The following CCDC7 variants were observed in gnomAD, a reference collection of about 807,000 sequenced individuals.
CCDC7 encodes the protein coiled-coil domain containing 7.
Under a neutral mutation model 196.9 loss-of-function variants are expected in CCDC7, and 183 were observed. The observed-to-expected ratio is 0.93, with a 90% CI of 0.82 to 1.05. The LOEUF is 1.05. Ranked by LOEUF, CCDC7 falls within the 50% of genes least tolerant of loss-of-function variation. The pLI, the probability that CCDC7 is intolerant of heterozygous loss-of-function variation, is 0.00. For synonymous variants in CCDC7, 525 were observed against 484.6 expected (o/e 1.08, Z -1.10); for missense variants, 1,540 against 1,482.2 (o/e 1.04, Z -0.64).
Position 32,797,573 on chromosome 10 carries a change from T to A in CCDC7, c.3014-7442T>A, listed in dbSNP as rs564597554. Among the ~76,000 whole-genome samples, 11 of 146,390 alleles carry A rather than the reference T, an allele frequency of 7.5e-5. 1 individual carries two copies. The highest frequency in any genetic ancestry group is 2.7e-4 in the Admixed American group (4 of 14,570). ...ACAAATTGGGTGCAGTGTATACTGC[T>A]CGTCTGATGGGCGCACCAAAATCTC... On this transcript the variant is annotated intron_variant, in intron 29 of 41. Coordinates refer to ENST00000639629, the Ensembl canonical transcript of CCDC7.
intron 18 of CCDC7, among the ~76,000 whole-genome samples, chr10:32,594,105 A>G (rs1300211363): frequency 6.6e-6 from 1 of 152,118 alleles, no homozygotes; most frequent in East Asian, 1.9e-4. Context: ...GGTAGCTTGA[A>G]GGGGATGGCA....
At chr10:32,674,851 C>G (rs2074656042) in intron 21 of CCDC7, among the ~76,000 whole-genome samples, 1 of 151,392 alleles carries the variant, frequency 6.6e-6, no homozygotes, top group South Asian at 2.1e-4. Context: ...GTGTGGTGAC[C>G]TTTTTTTTGT....
chr10:32,834,064 C>T (rs899913848), intron 32 of CCDC7, among the ~76,000 whole-genome samples: 5 of 151,980 alleles, frequency 3.3e-5, no homozygotes, highest in Non-Finnish European at 5.9e-5. Context: ...GCAGTTGTTT[C>T]AAAAGCAAGC....
intron 11 of CCDC7, among the ~76,000 whole-genome samples, chr10:32,522,034 G>A (rs1387533068): frequency 6.6e-6 from 1 of 151,902 alleles, no homozygotes; most frequent in Non-Finnish European, 1.5e-5. Flanking sequence ...ATCCCACTTG[G>A]TCATGATGAA....
At chr10:32,622,807 C>G (rs1023692414) in intron 18 of CCDC7, among the ~76,000 whole-genome samples, 1 of 150,750 alleles carries the variant, frequency 6.6e-6, no homozygotes, top group African/African-American at 2.4e-5. Context: ...ATGGCATATG[C>G]TTTGTATTGC....
At chr10:32,807,874 G>C (rs1016433) in intron 30 of CCDC7, among the ~76,000 whole-genome samples, 3 of 151,820 alleles carry the variant, frequency 2.0e-5, no homozygotes, top group Non-Finnish European at 4.4e-5. Flanking sequence ...GGGACTACAG[G>C]CATGCACCAC....
chr10:32,849,394 T>C (rs1191097598), intron 39 of CCDC7, among the ~76,000 whole-genome samples: 1 of 151,642 alleles, frequency 6.6e-6, no homozygotes, highest in African/African-American at 2.4e-5. Flanking sequence ...AATAGAAACT[T>C]TACTGGTTGT....
chr10:32,871,619 T>C (rs1333351198), intron 41 of CCDC7, among the ~76,000 whole-genome samples: 1 of 152,084 alleles, frequency 6.6e-6, no homozygotes, highest in African/African-American at 2.4e-5. Flanking sequence ...GCTCTGATCT[T>C]AGTTGTTTCT....
intron 28 of CCDC7, among the ~76,000 whole-genome samples, chr10:32,777,751 C>A (rs1033461022): frequency 1.3e-5 from 2 of 152,102 alleles, no homozygotes; most frequent in African/African-American, 4.8e-5. Flanking sequence ...GTAATCCCAG[C>A]TACTCTGGAG....
At chr10:32,775,424 C>T (rs534136129) in intron 28 of CCDC7, among the ~76,000 whole-genome samples, 1 of 152,190 alleles carries the variant, frequency 6.6e-6, no homozygotes, top group East Asian at 1.9e-4. Flanking sequence ...TGCAAGATTA[C>T]TGTATGACTT....
chr10:32,611,583 G>GATTAATTTTTGTATA (rs2062140555), intron 18 of CCDC7, among the ~76,000 whole-genome samples: 1 of 152,238 alleles, frequency 6.6e-6, no homozygotes, highest in South Asian at 2.1e-4. Context: ...AATCCATCTT[G>GATTAATTTTTGTATA]AGTTAATTTT....
In CCDC7 at chr10:32,493,022, A is replaced by G. The variant is rs558778228; in HGVS notation, c.872+1025A>G. Among the ~76,000 whole-genome samples the G allele has an allele frequency of 2.6e-5, 4 of 152,170 alleles. No individual in the cohort carries two copies. The East Asian group carries it at 7.7e-4, about 29-fold the overall frequency. On this transcript the variant is annotated intron_variant, in intron 9 of 41. Coordinates refer to ENST00000639629, the Ensembl canonical transcript of CCDC7. Reference sequence around the variant, plus strand: ...TTTTTATATGTACATACCTTGTGGAATCGCTAAATCAAGCTATGTAACAGA... The same window carrying G: ...TTTTTATATGTACATACCTTGTGGAGTCGCTAAATCAAGCTATGTAACAGA...
chr10:32,831,300 T>C (rs1484215455), intron 32 of CCDC7, among the ~76,000 whole-genome samples: 2 of 152,158 alleles, frequency 1.3e-5, no homozygotes, highest in Non-Finnish European at 2.9e-5. Context: ...TGAATGTTGC[T>C]CTGGGTGCAT....
At chr10:32,622,710 G>A (rs1177197343) in intron 18 of CCDC7, among the ~76,000 whole-genome samples, 1 of 151,938 alleles carries the variant, frequency 6.6e-6, no homozygotes, top group Non-Finnish European at 1.5e-5. Context: ...GCGACCCTCA[G>A]TTGTAAGAAA....
intron 18 of CCDC7, among the ~76,000 whole-genome samples, chr10:32,586,323 C>G (rs3006737): frequency 6.6e-6 from 1 of 152,274 alleles, no homozygotes; most frequent in Admixed American, 6.5e-5. Flanking sequence ...ATTCTGTAGG[C>G]TGCTTGTTCA....
intron 29 of CCDC7, among the ~76,000 whole-genome samples, chr10:32,790,657 C>T (rs141137128): frequency 6.6e-6 from 1 of 152,280 alleles, no homozygotes; most frequent in African/African-American, 2.4e-5. Context: ...TCCCTAGGGC[C>T]TGAGCCTTTG....
intron 31 of CCDC7, among the ~76,000 whole-genome samples, chr10:32,815,434 T>A (rs2135432033): frequency 6.6e-6 from 1 of 152,234 alleles, no homozygotes; most frequent in Non-Finnish European, 1.5e-5. Context: ...AAATTAATAT[T>A]TGGAATTGAA....
chr10:32,756,005 C>G (rs1452210369), intron 28 of CCDC7, among the ~76,000 whole-genome samples: 1 of 152,028 alleles, frequency 6.6e-6, no homozygotes, highest in East Asian at 1.9e-4. Flanking sequence ...GAAAGGGTAT[C>G]AGTGATCGAA....
intron 29 of CCDC7, among the ~76,000 whole-genome samples, chr10:32,784,971 C>T (rs1018639523): frequency 2.6e-5 from 4 of 151,912 alleles, no homozygotes; most frequent in Admixed American, 2.6e-4. Context: ...CACTGCACTC[C>T]AGCCTGGGAG....
Sources: gnomAD v4.1 joint callset for allele counts (sites outside exome capture counted in the v4.1 genomes callset) on GRCh38, gnomAD v4.1.1 for gene constraint, MANE v1.5 for transcripts, NCBI Gene and HGNC (gene_info 2026-07-23, HGNC 2026-07-21) for gene names.